Variants in PLIN3 observed in about 807,000 individuals in gnomAD.
The protein encoded by PLIN3 is perilipin-3.
In PLIN3, 30 loss-of-function variants were observed where a neutral mutation model predicts 35.9. That is an observed-to-expected ratio of 0.84 (90% CI 0.62 to 1.13). PLIN3 has a LOEUF of 1.13. PLIN3 is among the 50% of genes most tolerant of loss of function. The pLI, the probability that PLIN3 is intolerant of heterozygous loss-of-function variation, is 0.00. For synonymous variants in PLIN3, 261 were observed against 262.5 expected (o/e 0.99, Z 0.06); for missense variants, 603 against 596.9 (o/e 1.01, Z -0.11).
intron 6 of PLIN3, among the ~76,000 whole-genome samples, chr19:4,847,072 T>C (rs1322544235): frequency 6.6e-6 from 1 of 151,776 alleles, no homozygotes; most frequent in Non-Finnish European, 1.5e-5. Flanking sequence ...GTATTTTTAG[T>C]AGAGATGGGG....
intron 7 of PLIN3, among the ~76,000 whole-genome samples, chr19:4,843,765 T>C (rs947686646): frequency 2.0e-5 from 3 of 151,184 alleles, no homozygotes; most frequent in African/African-American, 4.9e-5. Flanking sequence ...GAGCCTGCAA[T>C]GGCGAGGCCA....
intron 1 of PLIN3, among the ~76,000 whole-genome samples, chr19:4,864,429 T>G (rs1213411251): frequency 6.6e-6 from 1 of 151,234 alleles, no homozygotes; most frequent in Non-Finnish European, 1.5e-5. Flanking sequence ...GATTACAGGA[T>G]GAGTCACTGC....
intron 6 of PLIN3, among the ~76,000 whole-genome samples, chr19:4,846,218 T>C (rs2030091082): frequency 6.7e-6 from 1 of 149,476 alleles, no homozygotes; most frequent in Admixed American, 6.8e-5. Flanking sequence ...TAAAGAGGAA[T>C]GATGGCAGAC....
At chr19:4,845,887 C>G (rs527414456) in intron 6 of PLIN3, among the ~76,000 whole-genome samples, 2 of 139,270 alleles carry the variant, frequency 1.4e-5, no homozygotes, top group East Asian at 4.3e-4. Context: ...CTGCATGCCA[C>G]TGCACTCCAG....
At chr19:4,866,323 T>G (rs2030857648) in intron 1 of PLIN3, among the ~76,000 whole-genome samples, 1 of 152,104 alleles carries the variant, frequency 6.6e-6, no homozygotes, top group African/African-American at 2.4e-5. Context: ...CAGCCCAGAA[T>G]GGGTTCTAAT....
chr19:4,844,537 G>T, intron 7 of PLIN3, 131 bp downstream of exon 7: 1 of 965,902 alleles, frequency 1.0e-6, no homozygotes. Flanking sequence ...TGAAGGAGGT[G>T]TCATTAGCTT....
intron 4 of PLIN3, among the ~76,000 whole-genome samples, chr19:4,858,903 T>C (rs1007062653): frequency 7.9e-5 from 12 of 151,348 alleles, no homozygotes; most frequent in Non-Finnish European, 8.8e-5. Context: ...GGTTTCTCCA[T>C]GTTGGTCAGG....
chr19:4,852,036 G>A lies in PLIN3; in HGVS notation c.614C>T (p.Pro205Leu). 1.9e-6 allele frequency: 3 copies of A among 1,613,802 alleles called. No individual in the cohort carries two copies. Among genetic ancestry groups the A allele is most frequent in the Non-Finnish European group, 2.5e-6 (3 of 1,179,916 alleles). ...KSEEWADNHL[P>L]LTDAELARIA... ...CTTACCCAGTTCGGCATCCGTAAGG[G>A]GCAGGTGGTTGTCCGCCCACTCCTC... The change falls in exon 5 of 8, where the codon CCC becomes CTC. Residue 205 changes from proline (P) to leucine (L), a missense_variant. Pro to Leu is a moderately conservative substitution (Grantham distance 98, BLOSUM62 -3). Coordinates refer to ENST00000221957, the MANE Select transcript of PLIN3 (RefSeq NM_005817.5).
At chr19:4,854,328 A>C (rs973379641) in intron 4 of PLIN3, among the ~76,000 whole-genome samples, 1 of 152,072 alleles carries the variant, frequency 6.6e-6, no homozygotes, top group African/African-American at 2.4e-5. Flanking sequence ...TGCTTCCCTG[A>C]AGACTCAGTC....
At chr19:4,854,163 C>T (rs1157973656) in intron 4 of PLIN3, among the ~76,000 whole-genome samples, 2 of 151,960 alleles carry the variant, frequency 1.3e-5, no homozygotes, top group East Asian at 3.9e-4. Flanking sequence ...GAACTCCTGG[C>T]CTCAAGCAGT....
At chr19:4,841,922 A>G (rs1380849794) in intron 7 of PLIN3, among the ~76,000 whole-genome samples, 28 of 84,126 alleles carry the variant, frequency 3.3e-4, no homozygotes, top group Middle Eastern at 5.1e-3. Flanking sequence ...AAAAAAAAAA[A>G]AAAAGAAAAA....
intron 2 of PLIN3, 96 bp from the exon 3 acceptor site, chr19:4,860,120 G>A (rs1216937789): frequency 1.8e-6 from 2 of 1,082,892 alleles, no homozygotes; most frequent in Non-Finnish European, 2.8e-6. Flanking sequence ...CTTACTCCTG[G>A]CCAGTGAAAC....
chr19:4,848,991 G>T (rs781711188), intron 5 of PLIN3, among the ~76,000 whole-genome samples: 17 of 152,006 alleles, frequency 1.1e-4, no homozygotes, highest in Non-Finnish European at 2.2e-4. Flanking sequence ...TTTAGACAGG[G>T]TCTCGGTCTG....
chr19:4,866,092 A>G (rs1240611454), intron 1 of PLIN3, among the ~76,000 whole-genome samples: 1 of 148,356 alleles, frequency 6.7e-6, no homozygotes, highest in Non-Finnish European at 1.5e-5. Flanking sequence ...ATCTCAGTTC[A>G]GTGTAACCTC....
intron 4 of PLIN3, among the ~76,000 whole-genome samples, chr19:4,858,705 T>TTTTTTG (rs2030561338): frequency 2.9e-5 from 4 of 136,806 alleles, no homozygotes; most frequent in African/African-American, 5.5e-5. Flanking sequence ...TTTTTGGTTT[T>TTTTTTG]TTTTTTTTTT....
Position 4,852,365 on chromosome 19 carries a change from A to T in PLIN3, c.349-64T>A. ...CCATATCTGGGCACCCCTCCCCTGC[A>T]CCCCAACTTCCAGGGAGACCGAGGC... On this transcript the variant is annotated intron_variant, in intron 4 of 7. Coordinates refer to ENST00000221957, the MANE Select transcript of PLIN3 (RefSeq NM_005817.5). 3.9e-6 allele frequency: 6 copies of T among 1,552,622 alleles called. No homozygotes were observed. In the Admixed American group the frequency reaches 1.1e-4, roughly 27 times the overall value.
chr19:4,860,230 G>A (rs899214564), intron 2 of PLIN3, among the ~76,000 whole-genome samples: 35 of 152,088 alleles, frequency 2.3e-4, no homozygotes, highest in African/African-American at 7.0e-4. Context: ...TTTTTGAAAC[G>A]GAGTCTTGCA....
intron 1 of PLIN3, among the ~76,000 whole-genome samples, chr19:4,865,489 A>C (rs1232612552): frequency 1.7e-5 from 2 of 114,946 alleles, no homozygotes; most frequent in Admixed American, 2.0e-4. Flanking sequence ...ACTCCGTTTC[A>C]AAAAAAAAAA....
intron 1 of PLIN3, among the ~76,000 whole-genome samples, chr19:4,862,527 T>G (rs1004322723): frequency 6.6e-6 from 1 of 151,886 alleles, no homozygotes; most frequent in African/African-American, 2.4e-5. Flanking sequence ...ATTACAGGAG[T>G]GAGCCACCAT....
Sources: allele counts gnomAD v4.1 joint callset (sites outside exome capture counted in the v4.1 genomes callset), GRCh38; gene constraint gnomAD v4.1.1; transcripts MANE v1.5; gene names NCBI Gene and HGNC (gene_info 2026-07-23, HGNC 2026-07-21).